C8orf74: variants seen among roughly 807,000 people sequenced by gnomAD.
C8orf74 encodes chromosome 8 open reading frame 74.
C8orf74 carries 29 observed loss-of-function variants against 22.2 expected under a neutral mutation model. That is an observed-to-expected ratio of 1.31 (90% CI 0.97 to 1.78). The LOEUF is 1.78. Among genes scored for constraint, C8orf74 ranks in the 40% most tolerant of loss-of-function variants. C8orf74 has a pLI of 0.00. For synonymous variants in C8orf74, 255 were observed against 163.1 expected, an observed-to-expected ratio of 1.56 and a Z score of -4.30; for missense variants, 515 against 369.9, an observed-to-expected ratio of 1.39 and a Z score of -3.22.
intron 2 of C8orf74, among the ~76,000 whole-genome samples, chr8:10,695,799 C>T (rs771629813): frequency 1.3e-4 from 20 of 152,210 alleles, no homozygotes; most frequent in Non-Finnish European, 2.5e-4. Flanking sequence ...AGGAAGGAGT[C>T]TGTGGACAAG....
intron 2 of C8orf74, chr8:10,691,093 C>CATAAGCCGGCTTCCA: frequency 2.7e-6 from 1 of 368,188 alleles, no homozygotes; most frequent in Non-Finnish European, 5.5e-6. Flanking sequence ...AAGTGTGTCT[C>CATAAGCCGGCTTCCA]ATAAGCCGGC....
chr8:10,680,421 G>A (rs145100577), intron 2 of C8orf74, among the ~76,000 whole-genome samples: 60 of 152,296 alleles, frequency 3.9e-4, no homozygotes, highest in Middle Eastern at 3.4e-3. Flanking sequence ...ATCAATGTTC[G>A]CTACCATATG....
intron 2 of C8orf74, among the ~76,000 whole-genome samples, chr8:10,677,663 C>G (rs1799061655): frequency 6.6e-6 from 1 of 152,114 alleles, no homozygotes; most frequent in Non-Finnish European, 1.5e-5. Flanking sequence ...TCTTGCTGCC[C>G]TCATCCAGGT....
chr8:10,675,232 C>T (rs546305547), intron 2 of C8orf74, among the ~76,000 whole-genome samples: 5 of 152,264 alleles, frequency 3.3e-5, no homozygotes, highest in South Asian at 4.1e-4. Flanking sequence ...CTGCAGGTGC[C>T]GGGGGAGTCC....
At position 10,700,376 on chromosome 8, in the gene C8orf74, C is replaced by CCCCCCCCA; in HGVS notation, c.791_792insCCCCCCAC (p.Ile265ProfsTer18). 6.2e-7 allele frequency: 1 copy of CCCCCCCCA among 1,609,162 alleles called. No individual in the cohort carries two copies. Among genetic ancestry groups the CCCCCCCCA allele is most frequent in the Non-Finnish European group, 8.5e-7 (1 of 1,175,782 alleles). On this transcript the variant is annotated frameshift_variant, in exon 4 of 4. Transcript: ENST00000304519. LOFTEE classifies it low-confidence loss of function (END_TRUNC). ...GACTCTGAACCTCAACGCCCCCACC[C>CCCCCCCCA]CTATCCCGCCCCCCATCACCAGCCA...
rs115780975 is a variant in C8orf74 at position 10,681,731 on chromosome 8, G to A, written c.241+6893G>A. Among the ~76,000 whole-genome samples, 934 of 152,320 alleles carry A rather than the reference G, an allele frequency of 6.1e-3. 12 individuals carry two copies. The highest frequency in any genetic ancestry group is 0.022 in the African/African-American group (900 of 41,576). Reference sequence around the variant, plus strand: ...CGGCCTCTCTTGGACGCTCTTTCAAGACAGCTGAAGCAGGAAGAACCTTTG... The same window carrying A: ...CGGCCTCTCTTGGACGCTCTTTCAAAACAGCTGAAGCAGGAAGAACCTTTG... On this transcript the variant is annotated intron_variant, in intron 2 of 3. Transcript: ENST00000304519.
chr8:10,697,939 G>A lies in C8orf74; in HGVS notation c.582G>A (p.Glu194=), dbSNP rs942523258. The A allele has an allele frequency of 3.8e-6, 6 of 1,581,408 alleles. No individual in the cohort carries two copies. The East Asian group carries it at 9.1e-5, about 24-fold the overall frequency. Residue 194 remains glutamate (E), a synonymous_variant, in exon 3 of 4, where the codon GAG becomes GAA. Transcript: ENST00000304519. ...LLKEALRLER[E]NSLQKAFAAA... is the part of the protein sequence containing the mutation. ...AAGAGGCGCTGCGCCTGGAGCGGGA[G>A]AACTCGCTGCAGAAGGCGTTCGCTG... is the stretch of plus-strand genomic sequence containing the variant.
rs1799636546 is a variant in C8orf74 at position 10,700,563 on chromosome 8, C to A, written c.*92C>A. 2 of 755,170 alleles carry A rather than the reference C, an allele frequency of 2.6e-6. No individual in the cohort carries two copies. Among genetic ancestry groups the A allele is most frequent in the Non-Finnish European group, 4.2e-6 (2 of 476,232 alleles). 46.8% of individuals were successfully genotyped at this position (755,170 alleles called of 1,614,324 possible). A position where few individuals can be genotyped will look rare whatever the true frequency, so the allele number is the denominator to read the frequency against. The stretch of plus-strand genomic sequence containing the variant: ...GGTGAGCTCAGCACCCACAGAGAGA[C>A]TTCTTGTGATTAAAAGAAACAAACC... On this transcript the variant is annotated 3_prime_UTR_variant, in exon 4 of 4. Coordinates refer to ENST00000304519, the MANE Select transcript of C8orf74 (RefSeq NM_001040032.2).
Position 10,700,321 on chromosome 8 carries a change from C to G in C8orf74, c.735C>G (p.Phe245Leu), listed in dbSNP as rs371469734. 15 of 1,613,750 alleles carry G rather than the reference C, an allele frequency of 9.3e-6. No individual in the cohort carries two copies. The highest frequency in any genetic ancestry group is 1.3e-5 in the Non-Finnish European group (15 of 1,179,824). The change falls in exon 4 of 4, where the codon TTC becomes TTG. Residue 245 changes from phenylalanine to leucine, a missense_variant. By Grantham distance (22) the Phe-to-Leu change is conservative. Coordinates refer to ENST00000304519, the MANE Select transcript of C8orf74 (RefSeq NM_001040032.2). ...TGCAGCGCCAGATCCAGAACACATT[C>G]GCCATCTTGGACCTGAAGCTTCAGA... The part of the protein sequence containing the change: ...ELLQRQIQNT[F>L]AILDLKLQKK...
chr8:10,683,463 T>A (rs1005916759), intron 2 of C8orf74, among the ~76,000 whole-genome samples: 1 of 152,114 alleles, frequency 6.6e-6, no homozygotes, highest in African/African-American at 2.4e-5. Flanking sequence ...GGGGACAAGG[T>A]ATGAGGATGG....
intron 1 of C8orf74, 134 bp downstream of exon 1, chr8:10,672,847 G>A (rs1460040396): frequency 1.2e-5 from 9 of 738,798 alleles, no homozygotes; most frequent in Non-Finnish European, 2.0e-5. Context: ...CTCTGAGGCT[G>A]TGACGAGATG....
chr8:10,700,293 T>G lies in C8orf74; in HGVS notation c.707T>G (p.Leu236Arg), dbSNP rs879194116. The change falls in exon 4 of 4, where the codon CTG (leucine) becomes CGG (arginine). Residue 236 changes from leucine (L) to arginine (R), a missense_variant. By Grantham distance (102) the Leu-to-Arg change is moderately radical (BLOSUM62 -2). Transcript: ENST00000304519. ...VHTQMELLQE[L>R]LQRQIQNTFA... is the part of the protein sequence containing the mutation. ...ACCCAGATGGAGCTCCTGCAGGAGC[T>G]GCTGCAGCGCCAGATCCAGAACACA... The G allele has an allele frequency of 6.2e-7, 1 of 1,613,606 alleles. No individual in the cohort carries two copies. Among genetic ancestry groups the G allele is most frequent in the Non-Finnish European group, 8.5e-7 (1 of 1,179,600 alleles).
chr8:10,700,382 C>T lies in C8orf74; in HGVS notation c.796C>T (p.Pro266Ser), dbSNP rs1460277883. ...GAACCTCAACGCCCCCACCCCTATC[C>T]CGCCCCCCATCACCAGCCACGCAGG... ...TLNLNAPTPI[P>S]PPITSHAGQE... is the part of the protein sequence containing the mutation. The change falls in exon 4 of 4, where the codon CCG (proline) becomes TCG (serine). Residue 266 changes from proline (P) to serine (S), a missense_variant. Transcript: ENST00000304519. 4 of 1,607,938 alleles carry T rather than the reference C, an allele frequency of 2.5e-6. No homozygotes were observed. In the African/African-American group the frequency reaches 5.4e-5, roughly 22 times the overall value.
chr8:10,697,491 G>T lies in C8orf74; in HGVS notation c.242-108G>T, dbSNP rs1197482017. 17 of 861,334 alleles carry T rather than the reference G, an allele frequency of 2.0e-5. No homozygotes were observed. The Admixed American group carries it at 2.6e-4, about 13-fold the overall frequency. 53.4% of individuals were successfully genotyped at this position (861,334 alleles called of 1,614,324 possible). On this transcript the variant is annotated intron_variant, in intron 2 of 3. Transcript: ENST00000304519. Reference sequence around the variant, plus strand: ...ATAAATATTTTTTAAAAATGCAGTGGGGACATGGGCTCTGTGACCAGGCTG... The same window carrying T: ...ATAAATATTTTTTAAAAATGCAGTGTGGACATGGGCTCTGTGACCAGGCTG...
intron 2 of C8orf74, chr8:10,691,126 C>G: frequency 2.8e-6 from 1 of 362,138 alleles, no homozygotes. Flanking sequence ...TTGCTGAAAC[C>G]CAGAACCAGC....
chr8:10,693,537 AC>A (rs1228038267), intron 2 of C8orf74, among the ~76,000 whole-genome samples: 2 of 152,126 alleles, frequency 1.3e-5, no homozygotes, highest in East Asian at 3.9e-4. Flanking sequence ...TGGTTCACTT[AC>A]TCTCTAGACT....
intron 2 of C8orf74, chr8:10,687,291 T>C: frequency 2.8e-6 from 1 of 354,622 alleles, no homozygotes; most frequent in South Asian, 2.1e-5. Context: ...CTGCTGCCCA[T>C]GTCTCTTATA....
chr8:10,700,376 C>T lies in C8orf74; in HGVS notation c.790C>T (p.Pro264Ser), dbSNP rs368598870. The part of the protein sequence containing the change: ...KKTLNLNAPT[P>S]IPPPITSHAG... The stretch of plus-strand genomic sequence containing the variant: ...GACTCTGAACCTCAACGCCCCCACC[C>T]CTATCCCGCCCCCCATCACCAGCCA... Residue 264 changes from proline to serine, a missense_variant, in exon 4 of 4, where the codon CCT becomes TCT. Coordinates refer to ENST00000304519, the MANE Select transcript of C8orf74 (RefSeq NM_001040032.2). 6.2e-7 allele frequency: 1 copy of T among 1,609,162 alleles called. No individual in the cohort carries two copies. Among genetic ancestry groups the T allele is most frequent in the South Asian group, 1.1e-5 (1 of 90,938 alleles).
chr8:10,680,132 C>A (rs900333688), intron 2 of C8orf74: 3 of 152,258 alleles, frequency 2.0e-5, no homozygotes, highest in African/African-American at 4.8e-5. Flanking sequence ...TGCGCAGAGG[C>A]GGCGAGGGGC....
Sources: gnomAD v4.1 joint callset for allele counts (sites outside exome capture counted in the v4.1 genomes callset) on GRCh38, gnomAD v4.1.1 for gene constraint, MANE v1.5 for transcripts, NCBI Gene and HGNC (gene_info 2026-07-23, HGNC 2026-07-21) for gene names.